The following COL4A6 variants were observed in gnomAD, a reference collection of about 807,000 sequenced individuals.
The protein encoded by COL4A6 is collagen alpha-6(IV) chain.
Under a neutral mutation model 126.7 loss-of-function variants are expected in COL4A6, and 59 were observed. The observed-to-expected ratio is 0.47, with a 90% CI of 0.38 to 0.58. The LOEUF is 0.58. COL4A6 is among the 20% of genes least tolerant of loss of function. COL4A6 has a pLI of 0.00. For missense variants in COL4A6, 1,285 were observed against 1,337.3 expected (o/e 0.96, Z 0.61); for synonymous variants, 547 against 496.6 (o/e 1.10, Z -1.35).
chrX:108,329,448 T>C (rs1422896808), intron 2 of COL4A6, among the ~76,000 whole-genome samples: 11 of 111,967 alleles, frequency 9.8e-5, no homozygotes, highest in Admixed American at 9.5e-5. Context: ...TACTCAAATG[T>C]AAGGAAGCAA....
chrX:108,268,937 A>G (rs762126642), intron 3 of COL4A6: 251 of 255,017 alleles, frequency 9.8e-4, no homozygotes, highest in Non-Finnish European at 1.4e-3. Context: ...TGGTTCTACC[A>G]TCATAGAGGC....
intron 3 of COL4A6, among the ~76,000 whole-genome samples, chrX:108,306,103 G>A (rs1252925019): frequency 8.9e-6 from 1 of 111,978 alleles, no homozygotes; most frequent in African/African-American, 3.2e-5. Context: ...AATCACAGTA[G>A]GAAAAGAACT....
At chrX:108,187,012 T>G in intron 23 of COL4A6, 84 bp downstream of exon 23, 3 of 802,700 alleles carry the variant, frequency 3.7e-6, no homozygotes, top group Non-Finnish European at 5.1e-6. Context: ...TCTCTTCTTA[T>G]GATACATTTC....
chrX:108,207,576 C>G (rs78885981), intron 8 of COL4A6, among the ~76,000 whole-genome samples: 5,456 of 111,435 alleles, frequency 0.049, 192 homozygotes, highest in African/African-American at 0.11. Context: ...ACAGTTGGCC[C>G]TCTGTATCTG....
intron 2 of COL4A6, among the ~76,000 whole-genome samples, chrX:108,324,553 G>C (rs953837442): frequency 3.6e-5 from 4 of 111,823 alleles, no homozygotes; most frequent in Admixed American, 9.5e-5. Context: ...TGCACATTAA[G>C]CTTGAATTTC....
At chrX:108,369,865 C>A (rs752340595) in intron 2 of COL4A6, among the ~76,000 whole-genome samples, 1 of 112,209 alleles carries the variant, frequency 8.9e-6, no homozygotes, top group South Asian at 3.7e-4. Flanking sequence ...GGGAAAGCAA[C>A]CACAGATATT....
intron 2 of COL4A6, among the ~76,000 whole-genome samples, chrX:108,402,946 A>G (rs1387608660): frequency 9.0e-6 from 1 of 111,489 alleles, no homozygotes; most frequent in Non-Finnish European, 1.9e-5. Context: ...AACATTTACT[A>G]TATCAAGCTT....
chrX:108,230,070 G>A (rs1460010133), intron 3 of COL4A6, among the ~76,000 whole-genome samples: 1 of 112,030 alleles, frequency 8.9e-6, no homozygotes, highest in Non-Finnish European at 1.9e-5. Flanking sequence ...GAACTTAGAG[G>A]AAGAAGAGTC....
chrX:108,275,525 C>T (rs995734748), intron 3 of COL4A6, among the ~76,000 whole-genome samples: 1 of 112,656 alleles, frequency 8.9e-6, no homozygotes, highest in African/African-American at 3.2e-5. Flanking sequence ...TGAGGTGTTT[C>T]CTCTTGCTTT....
At chrX:108,383,336 C>G in intron 2 of COL4A6, 1 of 287,208 alleles carries the variant, frequency 3.5e-6, no homozygotes, top group Non-Finnish European at 6.7e-6. Flanking sequence ...AAAGACATAA[C>G]AATTACACAC....
At chrX:108,162,218 T>C (rs111515557) in intron 41 of COL4A6, among the ~76,000 whole-genome samples, 54,963 of 108,690 alleles carry the variant, frequency 0.51, 10,756 homozygotes, top group African/African-American at 0.67. Context: ...GGTGTGGTGG[T>C]ATGCACCTGT....
At chrX:108,164,554 C>T in intron 40 of COL4A6, 46 bp downstream of exon 40, 1 of 1,122,122 alleles carries the variant, frequency 8.9e-7, no homozygotes, top group Non-Finnish European at 1.2e-6. Flanking sequence ...ACCACCAGGC[C>T]CCTCCCTCGA....
intron 23 of COL4A6, 140 bp from the exon 24 acceptor site, chrX:108,181,108 C>T (rs1240241404): frequency 2.0e-6 from 1 of 503,970 alleles, no homozygotes; most frequent in African/African-American, 2.4e-5. Context: ...CACTGGAAAA[C>T]CTTGGCATCA....
At chrX:108,312,997 C>A (rs781231431) in intron 2 of COL4A6, among the ~76,000 whole-genome samples, 2 of 112,185 alleles carry the variant, frequency 1.8e-5, no homozygotes, top group East Asian at 5.6e-4. Context: ...CTTAGGAACT[C>A]GCCAGAACAA....
At position 108,176,993 on chromosome X, in the gene COL4A6, C is replaced by G; in HGVS notation, c.2534G>C (p.Gly845Ala). The change falls in exon 28 of 45, where the codon GGA (glycine) becomes GCA (alanine). Residue 845 changes from glycine (G) to alanine (A), a missense_variant. By Grantham distance (60) the Gly-to-Ala change is moderately conservative. Transcript: ENST00000334504. ...PGISGHPGKKGTRGKKGPPGS... is the reference protein window; with the variant it reads ...PGISGHPGKKATRGKKGPPGS... ...AGGAGGACCTTTCTTGCCTCTTGTT[C>G]CTTTCTTTCCAGGATGTCCTGAATA... The G allele has an allele frequency of 8.3e-7, 1 of 1,210,802 alleles. No homozygotes were observed. Among genetic ancestry groups the G allele is most frequent in the African/African-American group, 1.7e-5 (1 of 57,856 alleles).
At position 108,190,471 on chromosome X, in the gene COL4A6, T is replaced by C; in HGVS notation, c.1347A>G (p.Leu449=). 8 of 1,203,201 alleles carry C rather than the reference T, an allele frequency of 6.6e-6. No homozygotes were observed. The highest frequency in any genetic ancestry group is 9.0e-6 in the Non-Finnish European group (8 of 888,904). The stretch of plus-strand genomic sequence containing the variant: ...CAGGGAACCCTGACTCTTTGTTGTG[T>C]AGAGTTTCAGTCTCAAATTCTGGAC... ...PPSPEFETET[L]HNKESGFPGL... is the part of the protein sequence containing the mutation. Residue 449 remains leucine (L), a synonymous_variant, in exon 20 of 45, where the codon CTA becomes CTG. Coordinates refer to ENST00000334504, the MANE Select transcript of COL4A6 (RefSeq NM_033641.4).
At chrX:108,208,635 A>G (rs2035615275) in intron 8 of COL4A6, among the ~76,000 whole-genome samples, 1 of 112,062 alleles carries the variant, frequency 8.9e-6, no homozygotes, top group African/African-American at 3.2e-5. Context: ...TTTGAATCAA[A>G]TAACAACAAT....
Position 108,156,991 on chromosome X carries a change from G to A in COL4A6, c.*9C>T, listed in dbSNP as rs780799556. ...GGGGAGGGCAAGGGGCAGAGTGGCA[G>A]GTGCCACCCTACAGGCTTTTCATAC... On this transcript the variant is annotated 3_prime_UTR_variant, in exon 45 of 45. Transcript: ENST00000334504. The A allele has an allele frequency of 7.5e-6, 9 of 1,196,189 alleles. No homozygotes were observed. Among genetic ancestry groups the A allele is most frequent in the Middle Eastern group, 2.4e-4 (1 of 4,150 alleles).
At chrX:108,346,653 A>G (rs1257516909) in intron 2 of COL4A6, among the ~76,000 whole-genome samples, 7 of 112,602 alleles carry the variant, frequency 6.2e-5, no homozygotes, top group African/African-American at 2.3e-4. Flanking sequence ...ACTCTAGGCT[A>G]ATTGATACAA....
Sources: gnomAD v4.1 joint callset for allele counts (sites outside exome capture counted in the v4.1 genomes callset) on GRCh38, gnomAD v4.1.1 for gene constraint, MANE v1.5 for transcripts, NCBI Gene and HGNC (gene_info 2026-07-23, HGNC 2026-07-21) for gene names.